Variants in CHAF1B observed in about 807,000 individuals in gnomAD.
CHAF1B encodes CAF-1 subunit B.
A neutral mutation model predicts 60.7 loss-of-function variants in CHAF1B; 10 were observed. That is an observed-to-expected ratio of 0.16 (90% CI 0.10 to 0.28). The LOEUF is 0.28. Among genes scored for constraint, CHAF1B ranks in the 10% least tolerant of loss-of-function variants. The pLI, the probability that CHAF1B is intolerant of heterozygous loss-of-function variation, is 1.00. For missense variants in CHAF1B, 558 were observed against 708.4 expected, an observed-to-expected ratio of 0.79 and a Z score of 2.41; for synonymous variants, 261 against 266.1, an observed-to-expected ratio of 0.98 and a Z score of 0.19.
chr21:36,386,022 T>C, intron 1 of CHAF1B, 38 bp from the exon 2 acceptor site: 1 of 1,313,040 alleles, frequency 7.6e-7, no homozygotes, highest in Non-Finnish European at 1.1e-6. Context: ...TCAATAACCC[T>C]TTGCTGCTGT....
At chr21:36,394,091 T>G (rs1325664601) in intron 4 of CHAF1B, among the ~76,000 whole-genome samples, 2 of 150,724 alleles carry the variant, frequency 1.3e-5, no homozygotes, top group Non-Finnish European at 3.0e-5. Context: ...TTTTTTTTTT[T>G]TTTTGAGATG....
chr21:36,415,560 G>C (rs2086311782), intron 13 of CHAF1B, among the ~76,000 whole-genome samples, 171 bp downstream of exon 13: 1 of 152,106 alleles, frequency 6.6e-6, no homozygotes, highest in South Asian at 2.1e-4. Context: ...TCAGCAGGGG[G>C]CACCTGGCCA....
chr21:36,386,012 T>G, intron 1 of CHAF1B, 48 bp from the exon 2 acceptor site: 1 of 1,187,632 alleles, frequency 8.4e-7, no homozygotes, highest in East Asian at 2.4e-5. Context: ...TATTCAGCGC[T>G]CAATAACCCT....
At chr21:36,415,789 G>A in intron 13 of CHAF1B, 1 of 381,326 alleles carries the variant, frequency 2.6e-6, no homozygotes, top group Non-Finnish European at 5.0e-6. Flanking sequence ...GTCTTGCTCT[G>A]TCGCCCAGGC....
rs1399344141 is a variant in CHAF1B at position 36,387,804 on chromosome 21, A to G, written c.259+74A>G. The G allele has an allele frequency of 2.1e-6, 3 of 1,396,530 alleles. No homozygotes were observed. The South Asian group carries it at 3.6e-5, about 17-fold the overall frequency. 86.5% of individuals were successfully genotyped at this position (1,396,530 alleles called of 1,614,324 possible). ...TGTGTGTCTTGTGTCAGATAGTGAG[A>G]TTTGAGCTGGATATGCTTTTTTTTT... On this transcript the variant is annotated intron_variant, in intron 3 of 13. Transcript: ENST00000314103.
At position 36,401,574 on chromosome 21, in the gene CHAF1B, T is replaced by TTTTTATATTATACATAATATATA. The variant is rs1343032124; in HGVS notation, c.664-1156_664-1134dup. Among the ~76,000 whole-genome samples, 51 of 48,902 alleles carry TTTTTATATTATACATAATATATA rather than the reference T, an allele frequency of 1.0e-3. 3 individuals are homozygous for TTTTTATATTATACATAATATATA. The highest frequency in any genetic ancestry group is 5.3e-3 in the African/African-American group (36 of 6,822). 32.1% of individuals were successfully genotyped at this position (48,902 alleles called of 152,430 possible). Reference sequence around the variant, plus strand: ...ATTTTTATATTATACATAATATATATTTTTATATTATACATAATATATATT... The same window carrying TTTTTATATTATACATAATATATA: ...ATTTTTATATTATACATAATATATATTTTTATATTATACATAATATATATTTTATATTATACATAATATATATT... On this transcript the variant is annotated intron_variant, in intron 7 of 13. Coordinates refer to ENST00000314103, the MANE Select transcript of CHAF1B (RefSeq NM_005441.3).
At chr21:36,397,617 T>A in intron 6 of CHAF1B, 106 bp downstream of exon 6, 1 of 506,986 alleles carries the variant, frequency 2.0e-6, no homozygotes, top group Non-Finnish European at 3.4e-6. Context: ...TAGTCTAACT[T>A]TGATTCTTTT....
At position 36,411,512 on chromosome 21, in the gene CHAF1B, G is replaced by A. The variant is rs575301402; in HGVS notation, c.969G>A (p.Ser323=). 257 of 1,614,074 alleles carry A rather than the reference G, an allele frequency of 1.6e-4. 6 individuals are homozygous for A. The South Asian group carries it at 2.6e-3, about 16-fold the overall frequency. The change falls in exon 11 of 14, where the codon TCG becomes TCA. Residue 323 remains serine (S), a synonymous_variant. Transcript: ENST00000314103. ...LPYRLVFAVA[S]EDSVLLYDTQ... ...ACCGCCTGGTGTTTGCTGTGGCCTC[G>A]GAGGATTCCGTGCTTCTGTATGACA...
rs143113265 is a variant in CHAF1B at position 36,402,085 on chromosome 21, G to T, written c.664-673G>T. 3.0e-3 allele frequency among the ~76,000 whole-genome samples: 464 copies of T among 152,216 alleles called. 2 individuals are homozygous for T. The highest frequency in any genetic ancestry group is 0.011 in the African/African-American group (439 of 41,530). On this transcript the variant is annotated intron_variant, in intron 7 of 13. Coordinates refer to ENST00000314103, the MANE Select transcript of CHAF1B (RefSeq NM_005441.3). The stretch of plus-strand genomic sequence containing the variant: ...TAGTAGTAAAAACTGTCCCAGACAG[G>T]TGTTAAAGAAATGTTGTTTTAAAAG...
rs1437924476 is a variant in CHAF1B at position 36,409,524 on chromosome 21, G to A, written c.919+59G>A. The A allele has an allele frequency of 3.5e-5, 45 of 1,277,012 alleles. No individual in the cohort carries two copies. In the South Asian group the frequency reaches 5.2e-4, roughly 15 times the overall value. 79.1% of individuals were successfully genotyped at this position (1,277,012 alleles called of 1,614,324 possible). The stretch of plus-strand genomic sequence containing the variant: ...TCTCTCCGAAACAGGTCACCAGAGT[G>A]GGGTGGAGATTTGGATTCTGTCTTA... On this transcript the variant is annotated intron_variant, in intron 10 of 13. Coordinates refer to ENST00000314103, the MANE Select transcript of CHAF1B (RefSeq NM_005441.3).
At chr21:36,390,774 G>C (rs1240213803) in intron 3 of CHAF1B, among the ~76,000 whole-genome samples, 1 of 152,094 alleles carries the variant, frequency 6.6e-6, no homozygotes, top group African/African-American at 2.4e-5. Context: ...TCCCACCTCA[G>C]CCTCCTGCGT....
At chr21:36,401,223 C>T (rs1341834271) in intron 7 of CHAF1B, among the ~76,000 whole-genome samples, 4 of 150,660 alleles carry the variant, frequency 2.7e-5, no homozygotes, top group South Asian at 2.1e-4. Context: ...GCCGAGATTG[C>T]GCCATTGCAC....
intron 2 of CHAF1B, 25 bp downstream of exon 2, chr21:36,386,287 C>T (rs781044532): frequency 1.3e-5 from 21 of 1,609,354 alleles, no homozygotes; most frequent in Non-Finnish European, 1.7e-5. Flanking sequence ...AGATAGACAT[C>T]CGGGAACACT....
chr21:36,393,799 A>G (rs1437153547), intron 4 of CHAF1B, among the ~76,000 whole-genome samples: 29 of 152,128 alleles, frequency 1.9e-4, no homozygotes, highest in Non-Finnish European at 4.1e-4. Context: ...TATAGCTAAT[A>G]TAGTGCCAGT....
chr21:36,415,909 C>T (rs550763921), intron 13 of CHAF1B: 19 of 322,896 alleles, frequency 5.9e-5, no homozygotes, highest in South Asian at 3.2e-4. Context: ...TGCGCCATCA[C>T]ACCCGGGTAA....
chr21:36,409,281 G>T, intron 9 of CHAF1B, 93 bp from the exon 10 acceptor site: 2 of 886,914 alleles, frequency 2.3e-6, no homozygotes, highest in East Asian at 2.6e-5. Context: ...GTTTATAGGT[G>T]TGAGCCACCG....
rs1311792894 is a variant in CHAF1B at position 36,386,238 on chromosome 21, T to C, written c.102T>C (p.Ser34=). Residue 34 remains serine, a synonymous_variant, in exon 2 of 14, where the codon TCT becomes TCC. Coordinates refer to ENST00000314103, the MANE Select transcript of CHAF1B (RefSeq NM_005441.3). ...CTGGGAGGATCCACAGACTGGCGTC[T>C]GCCGGCGTGGACACCAATGTCAGGG... ...GTAGRIHRLA[S]AGVDTNVRIW... 3.1e-6 allele frequency: 5 copies of C among 1,614,200 alleles called. No individual in the cohort carries two copies. Among genetic ancestry groups the C allele is most frequent in the Non-Finnish European group, 4.2e-6 (5 of 1,180,018 alleles).
Position 36,408,747 on chromosome 21 carries a change from TC to T in CHAF1B, c.758-11del. The T allele has an allele frequency of 6.3e-7, 1 of 1,590,068 alleles. No individual in the cohort carries two copies. Among genetic ancestry groups the T allele is most frequent in the Non-Finnish European group, 8.6e-7 (1 of 1,158,422 alleles). ...TGACTTTTCTTTCCTCTCCCTCCCTTCCCTGTTCCCCAGCTGGATGTGTGGA... is the reference window on the plus strand; with the variant it reads ...TGACTTTTCTTTCCTCTCCCTCCCTTCCTGTTCCCCAGCTGGATGTGTGGA... On this transcript the variant is annotated splice_polypyrimidine_tract_variant and intron_variant, in intron 8 of 13. Coordinates refer to ENST00000314103, the MANE Select transcript of CHAF1B (RefSeq NM_005441.3).
Position 36,399,991 on chromosome 21 carries a change from C to A in CHAF1B, c.663+386C>A, listed in dbSNP as rs559839752. Among the ~76,000 whole-genome samples, 15 of 152,252 alleles carry A rather than the reference C, an allele frequency of 9.9e-5. 1 individual carries two copies. In the South Asian group the frequency reaches 3.1e-3, roughly 32 times the overall value. ...GTCAGGAGTTTGAGACCAGCCTGGC[C>A]AACATGGCCAAACCCCATCTCAATG... On this transcript the variant is annotated intron_variant, in intron 7 of 13. Transcript: ENST00000314103.
Sources: allele counts gnomAD v4.1 joint callset (sites outside exome capture counted in the v4.1 genomes callset), GRCh38; gene constraint gnomAD v4.1.1; transcripts MANE v1.5; gene names NCBI Gene and HGNC (gene_info 2026-07-23, HGNC 2026-07-21).